Variants in STARD3 observed in about 807,000 individuals in gnomAD.
STARD3 encodes stAR-related lipid transfer protein 3.
In STARD3, 39 loss-of-function variants were observed where a neutral mutation model predicts 62.0. The observed-to-expected ratio is 0.63, with a 90% confidence interval of 0.49 to 0.82. STARD3 has a LOEUF of 0.82. Among genes scored for constraint, STARD3 ranks in the 40% least tolerant of loss-of-function variants. The pLI, the probability that STARD3 is intolerant of heterozygous loss-of-function variation, is 0.00. For synonymous variants in STARD3, 229 were observed against 242.4 expected, an observed-to-expected ratio of 0.94 and a Z score of 0.51; for missense variants, 543 against 584.5, an observed-to-expected ratio of 0.93 and a Z score of 0.73.
At chr17:39,651,601 T>C (rs896882595) in intron 1 of STARD3, among the ~76,000 whole-genome samples, 1 of 152,132 alleles carries the variant, frequency 6.6e-6, no homozygotes, top group African/African-American at 2.4e-5. Context: ...TCTCGCTCTG[T>C]CACCCAGGCT....
At chr17:39,659,835 CG>C in intron 9 of STARD3, 1 of 487,712 alleles carries the variant, frequency 2.1e-6, no homozygotes, top group Admixed American at 3.6e-5. Flanking sequence ...GCTCTGCATC[CG>C]TTGTTTCGTT....
In STARD3 at chr17:39,662,788, G is replaced by C; in HGVS notation, c.1234-16G>C. 6.2e-7 allele frequency: 1 copy of C among 1,600,126 alleles called. No individual in the cohort carries two copies. The highest frequency in any genetic ancestry group is 8.5e-7 in the Non-Finnish European group (1 of 1,173,158). Reference sequence around the variant, plus strand: ...GGGCAGGCCATCAAGTGTGACTTCTGCCTGCCTTCCCCCAGGGCCGCCTGC... The same window carrying C: ...GGGCAGGCCATCAAGTGTGACTTCTCCCTGCCTTCCCCCAGGGCCGCCTGC... On this transcript the variant is annotated splice_polypyrimidine_tract_variant and intron_variant, in intron 14 of 14. Coordinates refer to ENST00000336308, the MANE Select transcript of STARD3 (RefSeq NM_006804.4).
intron 1 of STARD3, chr17:39,651,935 A>G (rs1249179525): frequency 6.6e-6 from 1 of 152,148 alleles, no homozygotes; most frequent in Admixed American, 6.5e-5. Context: ...AGCCCAGCAC[A>G]TGGGTGGGGC....
intron 1 of STARD3, among the ~76,000 whole-genome samples, chr17:39,641,282 G>A (rs2056980881): frequency 6.6e-6 from 1 of 152,150 alleles, no homozygotes; most frequent in South Asian, 2.1e-4. Flanking sequence ...CAAGGGCTTA[G>A]GACAGATGGC....
rs373420695 is a variant in STARD3, at chr17:39,662,072, C to T, written c.1140-179C>T. 7.2e-5 allele frequency among the ~76,000 whole-genome samples: 11 copies of T among 152,116 alleles called. No individual in the cohort carries two copies. The East Asian group carries it at 1.5e-3, about 21-fold the overall frequency. ...CACAGAGTGGGTGGGGGTGGAGGGC[C>T]GATTCTGCAGCCCATGGGACACCTG... On this transcript the variant is annotated intron_variant, in intron 13 of 14. Coordinates refer to ENST00000336308, the MANE Select transcript of STARD3 (RefSeq NM_006804.4).
intron 6 of STARD3, 74 bp from the exon 7 acceptor site, chr17:39,658,648 G>T (rs1205762442): frequency 6.3e-7 from 1 of 1,589,856 alleles, no homozygotes; most frequent in African/African-American, 1.3e-5. Context: ...AGCCTGAGGG[G>T]GAGCTTGGGT....
At chr17:39,647,578 C>T (rs1430666114) in intron 1 of STARD3, among the ~76,000 whole-genome samples, 1 of 152,184 alleles carries the variant, frequency 6.6e-6, no homozygotes, top group Non-Finnish European at 1.5e-5. Context: ...GGGGACTGCA[C>T]AGGGCAGTTC....
chr17:39,660,590 A>C lies in STARD3; in HGVS notation c.954+64A>C. On this transcript the variant is annotated intron_variant, in intron 11 of 14. Coordinates refer to ENST00000336308, the MANE Select transcript of STARD3 (RefSeq NM_006804.4). This position sits in a 1 kb window ranked among gnomAD's most constrained non-coding sequence, Gnocchi z 4.8. ...GGCACAGCCACGCCTCAGTGGGATCACTGAAGCACTCAGCGCCTCAGCTGC... is the reference window on the plus strand; with the variant it reads ...GGCACAGCCACGCCTCAGTGGGATCCCTGAAGCACTCAGCGCCTCAGCTGC... The C allele has an allele frequency of 6.4e-7, 1 of 1,560,636 alleles. No individual in the cohort carries two copies. Among genetic ancestry groups the C allele is most frequent in the Non-Finnish European group, 8.8e-7 (1 of 1,133,160 alleles).
At chr17:39,646,268 T>G (rs1327697569) in intron 1 of STARD3, among the ~76,000 whole-genome samples, 1 of 152,178 alleles carries the variant, frequency 6.6e-6, no homozygotes, top group Non-Finnish European at 1.5e-5. Flanking sequence ...TGTTTTTTGT[T>G]TTGAGACAGG....
Position 39,662,841 on chromosome 17 carries a change from C to T in STARD3, c.1271C>T (p.Ala424Val), listed in dbSNP as rs749828666. The T allele has an allele frequency of 4.5e-5, 72 of 1,612,136 alleles. No homozygotes were observed. The highest frequency in any genetic ancestry group is 5.8e-5 in the Non-Finnish European group (68 of 1,179,374). ...CGGTACCTCATCCACCAGAGCCTCG[C>T]GGCCACCATGTTTGAATTTGCCTTT... ...LPRYLIHQSL[A>V]ATMFEFAFHL... The change falls in exon 15 of 15, where the codon GCG (alanine) becomes GTG (valine). Residue 424 changes from alanine (A) to valine (V), a missense_variant. Transcript: ENST00000336308.
rs112869428 is a variant in STARD3, at chr17:39,644,912, G to T, written c.-52+7681G>T. Among the ~76,000 whole-genome samples the T allele has an allele frequency of 3.2e-3, 494 of 152,074 alleles. 18 individuals carry two copies. Among genetic ancestry groups the T allele is most frequent in the Admixed American group, 0.03 (463 of 15,278 alleles). ...TAGGAAACGCCTACTGAGAGCTGCC[G>T]TCGGTCAGCTGGGCTTTGGAGCCGC... is the stretch of plus-strand genomic sequence containing the variant. On this transcript the variant is annotated intron_variant, in intron 1 of 14. Transcript: ENST00000336308.
chr17:39,649,865 CAAAAAAA>C (rs10713558), intron 1 of STARD3, among the ~76,000 whole-genome samples: 5 of 85,004 alleles, frequency 5.9e-5, no homozygotes, highest in African/African-American at 1.9e-4. Context: ...GACTCCGTCT[CAAAAAAA>C]AAAAAAAAAA....
rs764271003 is a variant in STARD3, at chr17:39,661,092, C to A, written c.1139+7C>A. 12 of 1,612,992 alleles carry A rather than the reference C, an allele frequency of 7.4e-6. No individual in the cohort carries two copies. The East Asian group carries it at 2.2e-4, about 30-fold the overall frequency. The stretch of plus-strand genomic sequence containing the variant: ...CGACGCACAAATATGTCCGGTGAGC[C>A]TCACTTTGCCTGGGGTCACCCCTGC... On this transcript the variant is annotated splice_region_variant and intron_variant, in intron 13 of 14. Transcript: ENST00000336308.
At chr17:39,638,981 A>C (rs1036396319) in intron 1 of STARD3, among the ~76,000 whole-genome samples, 1 of 152,216 alleles carries the variant, frequency 6.6e-6, no homozygotes, top group Non-Finnish European at 1.5e-5. Flanking sequence ...CGCTACAAAA[A>C]TTTAAAAAAC....
Position 39,661,003 on chromosome 17 carries a change from A to C in STARD3, c.1057A>C (p.Ile353Leu). Residue 353 changes from isoleucine (I) to leucine (L), a missense_variant, in exon 13 of 15, where the codon ATT (isoleucine) becomes CTT (leucine). Physicochemically the swap from Ile to Leu is conservative, Grantham distance 5. Transcript: ENST00000336308. ...CAGGGACTTCGTGAATGTCCGGCGC[A>C]TTGAGCGGCGCAGGGACCGATACTT... ...SPRDFVNVRR[I>L]ERRRDRYLSS... 9 of 1,613,774 alleles carry C rather than the reference A, an allele frequency of 5.6e-6. No homozygotes were observed. Among genetic ancestry groups the C allele is most frequent in the Non-Finnish European group, 7.6e-6 (9 of 1,180,002 alleles).
rs139221372 is a variant in STARD3 at position 39,662,897 on chromosome 17, G to T, written c.1327G>T (p.Ala443Ser). 104 of 1,611,472 alleles carry T rather than the reference G, an allele frequency of 6.5e-5. No homozygotes were observed. The Middle Eastern group carries it at 1.2e-3, about 18-fold the overall frequency. The change falls in exon 15 of 15, where the codon GCC becomes TCC. Residue 443 changes from alanine to serine, a missense_variant. Physicochemically the swap from Ala to Ser is moderately conservative, Grantham distance 99. Transcript: ENST00000336308. ...HLRQRISELG[A>S]RA ...GCGACAGCGCATCAGCGAGCTGGGG[G>T]CCCGGGCGTGACTGTGCCCCCTCCC...
intron 1 of STARD3, among the ~76,000 whole-genome samples, chr17:39,641,889 G>T (rs917093800): frequency 6.6e-6 from 1 of 152,146 alleles, no homozygotes; most frequent in Admixed American, 6.5e-5. Context: ...CATGTATCAT[G>T]GCCAGGCACT....
At chr17:39,654,635 AC>A (rs2057110106) in intron 2 of STARD3, among the ~76,000 whole-genome samples, 2 of 151,578 alleles carry the variant, frequency 1.3e-5, no homozygotes, top group Non-Finnish European at 2.9e-5. Context: ...GAAGCAGGGC[AC>A]CCCAGGCTCA....
At chr17:39,644,183 T>A (rs1202089067) in intron 1 of STARD3, among the ~76,000 whole-genome samples, 1 of 152,216 alleles carries the variant, frequency 6.6e-6, no homozygotes, top group Non-Finnish European at 1.5e-5. Flanking sequence ...GAACCCACTC[T>A]GCCCAGAGAT....
Sources: allele counts gnomAD v4.1 joint callset (sites outside exome capture counted in the v4.1 genomes callset), GRCh38; gene constraint gnomAD v4.1.1; non-coding constraint Gnocchi (gnomAD v3.1); transcripts MANE v1.5; gene names NCBI Gene and HGNC (gene_info 2026-07-23, HGNC 2026-07-21).